TMEM132C: variants seen among roughly 807,000 people sequenced by gnomAD.
The protein encoded by TMEM132C is transmembrane protein 132C, also known as protein phosphatase 1, regulatory subunit 152.
Under a neutral mutation model 61.4 loss-of-function variants are expected in TMEM132C, and 29 were observed. The observed-to-expected ratio is 0.47, with a 90% CI of 0.35 to 0.64. TMEM132C has a LOEUF of 0.64. Among genes scored for constraint, TMEM132C ranks in the 30% least tolerant of loss-of-function variants. TMEM132C has a pLI of 0.00. For missense variants in TMEM132C, 1,408 were observed against 1,476.9 expected, an observed-to-expected ratio of 0.95 and a Z score of 0.76; for synonymous variants, 656 against 633.1, an observed-to-expected ratio of 1.04 and a Z score of -0.54.
chr12:128,269,534 G>T (rs2135887030), intron 1 of TMEM132C, among the ~76,000 whole-genome samples: 1 of 152,194 alleles, frequency 6.6e-6, no homozygotes, highest in African/African-American at 2.4e-5. Context: ...GGGACGTAGC[G>T]AAGCCCCACC....
intron 1 of TMEM132C, among the ~76,000 whole-genome samples, chr12:128,401,357 A>T (rs1875151462): frequency 1.3e-5 from 2 of 152,102 alleles, no homozygotes; most frequent in Admixed American, 6.5e-5. Context: ...TTAAAAACAA[A>T]TCAGTATAGT....
chr12:128,481,432 G>A (rs1189192041), intron 2 of TMEM132C, among the ~76,000 whole-genome samples: 1 of 152,228 alleles, frequency 6.6e-6, no homozygotes, highest in East Asian at 1.9e-4. Flanking sequence ...GCTGTCCAGA[G>A]TGCAGGAAAC....
In TMEM132C at chr12:128,276,160, C is replaced by T. The variant is rs142682625; in HGVS notation, c.85+8673C>T. ...TATTCACAGGTTCTAAGTGGACATT[C>T]GCTTTTGAGGCCATGCAAACTATTG... On this transcript the variant is annotated intron_variant, in intron 1 of 8. Transcript: ENST00000435159. Among the ~76,000 whole-genome samples the T allele has an allele frequency of 2.0e-3, 311 of 152,220 alleles. 1 individual carries two copies. Among genetic ancestry groups the T allele is most frequent in the African/African-American group, 7.2e-3 (300 of 41,520 alleles).
intron 1 of TMEM132C, among the ~76,000 whole-genome samples, chr12:128,340,420 G>T (rs571520949): frequency 6.6e-6 from 1 of 152,028 alleles, no homozygotes; most frequent in South Asian, 2.1e-4. Context: ...AAATGACAAA[G>T]ATATTTTATT....
At chr12:128,548,874 A>G (rs1874055627) in intron 3 of TMEM132C, among the ~76,000 whole-genome samples, 1 of 152,226 alleles carries the variant, frequency 6.6e-6, no homozygotes, top group African/African-American at 2.4e-5. Context: ...TAGGTATGAT[A>G]AATAATCTAG....
At chr12:128,388,763 C>G (rs1336357537) in intron 1 of TMEM132C, among the ~76,000 whole-genome samples, 3 of 152,258 alleles carry the variant, frequency 2.0e-5, no homozygotes, top group Non-Finnish European at 2.9e-5. Flanking sequence ...TGGCTTCACT[C>G]CTTCCCTCCA....
chr12:128,403,723 C>A (rs1905944), intron 1 of TMEM132C, among the ~76,000 whole-genome samples: 13,697 of 31,180 alleles, frequency 0.44, 1,970 homozygotes, highest in African/African-American at 0.54. Flanking sequence ...CAAAACAAAA[C>A]AAAATCCTCA....
At chr12:128,282,157 T>G (rs1267762959) in intron 1 of TMEM132C, among the ~76,000 whole-genome samples, 2 of 152,248 alleles carry the variant, frequency 1.3e-5, no homozygotes, top group Non-Finnish European at 2.9e-5. Flanking sequence ...ATGCTTATCA[T>G]CCCTGAATGT....
At chr12:128,557,809 G>A (rs1478910992) in intron 3 of TMEM132C, among the ~76,000 whole-genome samples, 1 of 152,264 alleles carries the variant, frequency 6.6e-6, no homozygotes, top group Non-Finnish European at 1.5e-5. Context: ...GTAGAAATGA[G>A]CAGTTGCCTT....
chr12:128,613,451 C>A (rs1029238553), intron 3 of TMEM132C, among the ~76,000 whole-genome samples: 1 of 152,212 alleles, frequency 6.6e-6, no homozygotes, highest in Non-Finnish European at 1.5e-5. Context: ...TCAAGAACCA[C>A]CTGTGGGCCT....
At chr12:128,336,855 G>A (rs1476730855) in intron 1 of TMEM132C, among the ~76,000 whole-genome samples, 1 of 152,226 alleles carries the variant, frequency 6.6e-6, no homozygotes, top group African/African-American at 2.4e-5. Flanking sequence ...TGGGTGCAAG[G>A]CAAGAGAGGC....
chr12:128,581,781 A>T (rs1057300985), intron 3 of TMEM132C, among the ~76,000 whole-genome samples: 6 of 152,322 alleles, frequency 3.9e-5, no homozygotes, highest in Non-Finnish European at 8.8e-5. Context: ...GGAAATGGAG[A>T]AAGCAGATGT....
intron 2 of TMEM132C, among the ~76,000 whole-genome samples, chr12:128,520,142 C>T (rs1007867801): frequency 2.0e-5 from 3 of 152,222 alleles, no homozygotes; most frequent in African/African-American, 4.8e-5. Flanking sequence ...TTCCCCCAGA[C>T]ACCCTTTCCC....
chr12:128,622,698 T>G (rs1041408027), intron 4 of TMEM132C, among the ~76,000 whole-genome samples: 2 of 152,050 alleles, frequency 1.3e-5, no homozygotes, highest in Admixed American at 1.3e-4. Context: ...GTTAGCAATA[T>G]CTTCTGTGTT....
intron 1 of TMEM132C, among the ~76,000 whole-genome samples, chr12:128,392,316 C>T (rs1003896101): frequency 5.9e-5 from 9 of 152,210 alleles, no homozygotes; most frequent in African/African-American, 1.9e-4. Flanking sequence ...TTCATCGTGC[C>T]TGATGCAAAA....
At chr12:128,400,598 TG>T (rs1191464201) in intron 1 of TMEM132C, among the ~76,000 whole-genome samples, 15 of 17,420 alleles carry the variant, frequency 8.6e-4, no homozygotes, top group African/African-American at 1.3e-3. Context: ...CCCATTCTTT[TG>T]TTTTTTTTTT....
At chr12:128,651,154 G>A (rs76368253) in intron 4 of TMEM132C, among the ~76,000 whole-genome samples, 8,234 of 152,222 alleles carry the variant, frequency 0.054, 315 homozygotes, top group African/African-American at 0.1. Context: ...CAGTTTTTTG[G>A]GGTAACAACT....
intron 5 of TMEM132C, among the ~76,000 whole-genome samples, chr12:128,689,482 G>A (rs200311308): frequency 2.1e-4 from 32 of 152,270 alleles, no homozygotes; most frequent in East Asian, 1.7e-3. Flanking sequence ...AACGGAGCAG[G>A]TCCACAAACT....
At chr12:128,282,035 G>T (rs528375684) in intron 1 of TMEM132C, among the ~76,000 whole-genome samples, 5 of 152,248 alleles carry the variant, frequency 3.3e-5, no homozygotes, top group Admixed American at 3.3e-4. Flanking sequence ...GAAAATGGCT[G>T]GAGTTTTTTG....
Sources: gnomAD v4.1 joint callset for allele counts (sites outside exome capture counted in the v4.1 genomes callset) on GRCh38, gnomAD v4.1.1 for gene constraint, MANE v1.5 for transcripts, NCBI Gene and HGNC (gene_info 2026-07-23, HGNC 2026-07-21) for gene names.